Variants in MVB12B observed in about 807,000 individuals in gnomAD.
The protein encoded by MVB12B is multivesicular body subunit 12B, also known as ESCRT-I complex subunit MVB12B.
Under a neutral mutation model 41.6 loss-of-function variants are expected in MVB12B, and 16 were observed. That is an observed-to-expected ratio of 0.38 (90% confidence interval 0.26 to 0.58). MVB12B has a LOEUF of 0.58. MVB12B is among the 20% of genes least tolerant of loss of function. MVB12B has a pLI of 0.62. For synonymous variants in MVB12B, 133 were observed against 139.7 expected (o/e 0.95, Z 0.34); for missense variants, 274 against 380.2 (o/e 0.72, Z 2.32).
At chr9:126,344,627 C>G (rs1048160192) in intron 2 of MVB12B, among the ~76,000 whole-genome samples, 2 of 152,240 alleles carry the variant, frequency 1.3e-5, no homozygotes, top group African/African-American at 4.8e-5. Flanking sequence ...GGACACCGCT[C>G]TCCCTGCGTC....
Position 126,488,837 on chromosome 9 carries a change from C to T in MVB12B, c.873+4805C>T, listed in dbSNP as rs138165764. Among the ~76,000 whole-genome samples the T allele has an allele frequency of 1.5e-3, 227 of 152,300 alleles. 1 individual carries two copies. The highest frequency in any genetic ancestry group is 6.8e-3 in the Middle Eastern group (2 of 294). On this transcript the variant is annotated intron_variant, in intron 9 of 9. Coordinates refer to ENST00000361171, the MANE Select transcript of MVB12B (RefSeq NM_033446.3). ...CCCTGCCTGAGGGATGTTTCTGAAT[C>T]GAAGCCGAAGCACAGTTGCCACCAT...
In MVB12B at chr9:126,478,526, A is replaced by G. The variant is rs1349364520; in HGVS notation, c.758-2843A>G. 6.6e-6 allele frequency among the ~76,000 whole-genome samples: 1 copy of G among 152,186 alleles called. No individual in the cohort carries two copies. Among genetic ancestry groups the G allele is most frequent in the Non-Finnish European group, 1.5e-5 (1 of 68,028 alleles). On this transcript the variant is annotated intron_variant, in intron 7 of 9. Coordinates refer to ENST00000361171, the MANE Select transcript of MVB12B (RefSeq NM_033446.3). The surrounding 1 kb of genome is among the most constrained non-coding windows in gnomAD (Gnocchi z 4.2). ...GAGGACCTCGGGGAAGGCATGCTGC[A>G]GGAGAGGCACTCAGAAGACTGGGAA...
intron 6 of MVB12B, among the ~76,000 whole-genome samples, chr9:126,419,845 G>A (rs919809773): frequency 2.6e-5 from 4 of 152,134 alleles, no homozygotes; most frequent in African/African-American, 7.2e-5. Flanking sequence ...CCAAGGTCAG[G>A]GCCTGTGAAT....
intron 9 of MVB12B, among the ~76,000 whole-genome samples, chr9:126,500,851 G>A (rs1833940667): frequency 6.6e-6 from 1 of 152,216 alleles, no homozygotes; most frequent in African/African-American, 2.4e-5. Flanking sequence ...CCCCTGCCCC[G>A]CGAAGCCCTC....
At chr9:126,421,572 C>A (rs1389070993) in intron 6 of MVB12B, among the ~76,000 whole-genome samples, 2 of 152,348 alleles carry the variant, frequency 1.3e-5, no homozygotes, top group South Asian at 4.1e-4. Flanking sequence ...CGTAGAGTCC[C>A]TTGGGCCCGC....
intron 2 of MVB12B, among the ~76,000 whole-genome samples, chr9:126,359,231 A>G: frequency 6.6e-6 from 1 of 152,044 alleles, no homozygotes; most frequent in Non-Finnish European, 1.5e-5. Flanking sequence ...TGAGTGTTAA[A>G]CCAAACTTCC....
intron 2 of MVB12B, among the ~76,000 whole-genome samples, chr9:126,380,599 A>C (rs1830606901): frequency 6.6e-6 from 1 of 152,138 alleles, no homozygotes; most frequent in Non-Finnish European, 1.5e-5. Context: ...CTCCAGTAGA[A>C]TCCCGTTGAC....
Position 126,395,893 on chromosome 9 carries a change from T to C in MVB12B, c.662+196T>C. 7.1e-7 allele frequency: 1 copy of C among 1,404,284 alleles called. No individual in the cohort carries two copies. Among genetic ancestry groups the C allele is most frequent in the Middle Eastern group, 2.7e-4 (1 of 3,770 alleles). 87.0% of individuals were successfully genotyped at this position (1,404,284 alleles called of 1,614,324 possible). ...CATTACATGAATGCAAAGGCCATTCTATAGTCTATTTTGTGCGTGTTCTGC... is the reference window on the plus strand; with the variant it reads ...CATTACATGAATGCAAAGGCCATTCCATAGTCTATTTTGTGCGTGTTCTGC... On this transcript the variant is annotated intron_variant, in intron 6 of 9. Transcript: ENST00000361171. This position sits in a 1 kb window ranked among gnomAD's most constrained non-coding sequence, Gnocchi z 4.9.
chr9:126,330,345 AAC>A (rs1363376085), intron 1 of MVB12B, among the ~76,000 whole-genome samples: 1 of 152,140 alleles, frequency 6.6e-6, no homozygotes, highest in East Asian at 1.9e-4. Flanking sequence ...ACTTAAAAAA[AAC>A]AGATTCTAAT....
At chr9:126,345,055 G>A (rs1379503063) in intron 2 of MVB12B, among the ~76,000 whole-genome samples, 1 of 152,228 alleles carries the variant, frequency 6.6e-6, no homozygotes, top group African/African-American at 2.4e-5. Context: ...GAGCAGCTGA[G>A]ACCAAACTTA....
chr9:126,400,496 G>A (rs1476444911), intron 6 of MVB12B, among the ~76,000 whole-genome samples: 3 of 152,150 alleles, frequency 2.0e-5, no homozygotes, highest in Non-Finnish European at 4.4e-5. Flanking sequence ...TTCTTAAGCC[G>A]TATTTAAGGA....
intron 9 of MVB12B, among the ~76,000 whole-genome samples, chr9:126,499,945 T>C (rs1248829299): frequency 6.6e-6 from 1 of 151,950 alleles, no homozygotes; most frequent in East Asian, 1.9e-4. Flanking sequence ...TCCCCACTCC[T>C]GGCCACAGAG....
chr9:126,497,121 G>T (rs751697618), intron 9 of MVB12B, among the ~76,000 whole-genome samples: 9 of 152,170 alleles, frequency 5.9e-5, no homozygotes, highest in Non-Finnish European at 8.8e-5. Context: ...ACACAGCAGT[G>T]CCCAGACACA....
chr9:126,336,729 C>T (rs1195343688), intron 1 of MVB12B, among the ~76,000 whole-genome samples: 1 of 145,754 alleles, frequency 6.9e-6, no homozygotes. Context: ...CACTTGTGGG[C>T]GCACATACAT....
At chr9:126,444,915 A>G (rs1719622482) in intron 7 of MVB12B, among the ~76,000 whole-genome samples, 1 of 152,206 alleles carries the variant, frequency 6.6e-6, no homozygotes, top group Non-Finnish European at 1.5e-5. Flanking sequence ...GTTGTGTTCC[A>G]TTGAGTTGAA....
chr9:126,395,584 C>A lies in MVB12B; in HGVS notation c.549C>A (p.Asn183Lys), dbSNP rs1481912764. Residue 183 changes from asparagine to lysine, a missense_variant, in exon 6 of 10, where the codon AAC (asparagine) becomes AAA (lysine). Physicochemically the swap from Asn to Lys is moderately conservative, Grantham distance 94. Transcript: ENST00000361171. The surrounding 1 kb of genome is among the most constrained non-coding windows in gnomAD (Gnocchi z 4.9). ...PPQYTFIGEL[N>K]SMGIWYRMGR... is the part of the protein sequence containing the mutation. ...CTCTTTTTTCCTAAAGGGAACTGAA[C>A]AGCATGGGGATCTGGTATCGAATGG... 1 of 1,614,056 alleles carries A rather than the reference C, an allele frequency of 6.2e-7. No individual in the cohort carries two copies. Among genetic ancestry groups the A allele is most frequent in the Non-Finnish European group, 8.5e-7 (1 of 1,180,020 alleles).
intron 9 of MVB12B, among the ~76,000 whole-genome samples, chr9:126,496,233 A>ACCCCCCCCCCCCCCCCCCCCCCCCCCCC (rs1833831237): frequency 9.9e-6 from 1 of 100,862 alleles, no homozygotes; most frequent in African/African-American, 3.9e-5. Context: ...ACCCATCCAT[A>ACCCCCCCCCCCCCCCCCCCCCCCCCCCC]CACCCACTTA....
chr9:126,333,115 C>T lies in MVB12B; in HGVS notation c.81+6105C>T, dbSNP rs761839485. On this transcript the variant is annotated intron_variant, in intron 1 of 9. Transcript: ENST00000361171. The surrounding 1 kb of genome is among the most constrained non-coding windows in gnomAD (Gnocchi z 4.7). ...GTTTTGTTTTTTTTTGAGACAGACT[C>T]TCACTCTGTCACCCAGGCTAGAGTG... Among the ~76,000 whole-genome samples the T allele has an allele frequency of 1.3e-5, 2 of 152,142 alleles. No individual in the cohort carries two copies. The highest frequency in any genetic ancestry group is 2.9e-5 in the Non-Finnish European group (2 of 68,040).
intron 6 of MVB12B, among the ~76,000 whole-genome samples, chr9:126,419,384 C>T (rs534143750): frequency 6.6e-6 from 1 of 152,344 alleles, no homozygotes; most frequent in East Asian, 1.9e-4. Flanking sequence ...GGGTTTAATG[C>T]TCTGCTGTTG....
Sources: allele counts gnomAD v4.1 joint callset (sites outside exome capture counted in the v4.1 genomes callset), GRCh38; gene constraint gnomAD v4.1.1; non-coding constraint Gnocchi (gnomAD v3.1); transcripts MANE v1.5; gene names NCBI Gene and HGNC (gene_info 2026-07-23, HGNC 2026-07-21).